Variants in KLRF1 observed in about 807,000 individuals in gnomAD.
The protein encoded by KLRF1 is killer cell lectin like receptor F1.
Under a neutral mutation model 30.7 loss-of-function variants are expected in KLRF1, and 27 were observed. The ratio of observed to expected loss-of-function variants is 0.88; its 90% CI spans 0.65 to 1.21. The LOEUF is 1.21. Ranked by LOEUF, KLRF1 falls within the 50% of genes most tolerant of loss-of-function variation. KLRF1 has a pLI of 0.00. For missense variants in KLRF1, 246 were observed against 259.3 expected (o/e 0.95, Z 0.35); for synonymous variants, 92 against 89.3 (o/e 1.03, Z -0.17).
At chr12:9,821,327 C>T in the KLRF1 span, among the ~76,000 whole-genome samples, 1 of 152,124 alleles carries the variant, frequency 6.6e-6, no homozygotes, top group South Asian at 2.1e-4. Flanking sequence ...AGCCCATCTG[C>T]CACTGCCTCT....
In KLRF1 at chr12:9,844,433, A is replaced by G. The variant is rs1305516129; in HGVS notation, c.603A>G (p.Gly201=). 1.3e-6 allele frequency: 2 copies of G among 1,594,740 alleles called. No homozygotes were observed. The highest frequency in any genetic ancestry group is 8.6e-7 in the Non-Finnish European group (1 of 1,163,102). The change falls in exon 6 of 6, where the codon GGA becomes GGG. Residue 201 remains glycine, a synonymous_variant. Coordinates refer to ENST00000617889, the MANE Select transcript of KLRF1 (RefSeq NM_016523.3). ...TCTTCCCTAGATTCTTCATAAAGGG[A>G]CCAGCTAAAGAAAACAGCTGTGCTG... The part of the protein sequence containing the change: ...PIDSKIFFIK[G]PAKENSCAAI...
At chr12:9,805,765 T>A in the KLRF1 span, among the ~76,000 whole-genome samples, 1 of 152,050 alleles carries the variant, frequency 6.6e-6, no homozygotes, top group African/African-American at 2.4e-5. Context: ...CTCAAAAAAA[T>A]TTTTTTGTTT....
At chr12:9,826,237 A>G (rs770747197), upstream of KLRF1, among the ~76,000 whole-genome samples, 3 of 152,230 alleles carry the variant, frequency 2.0e-5, no homozygotes, top group Admixed American at 2.0e-4. Context: ...CCTAGTACCC[A>G]TTAGTTATTT....
chr12:9,828,557 A>G (rs750560024), intron 1 of KLRF1, among the ~76,000 whole-genome samples: 3 of 152,218 alleles, frequency 2.0e-5, no homozygotes, highest in Non-Finnish European at 4.4e-5. Flanking sequence ...AGAGATAAGC[A>G]GAAATTAAAG....
At chr12:9,800,623 A>G in the KLRF1 span, among the ~76,000 whole-genome samples, 1 of 151,952 alleles carries the variant, frequency 6.6e-6, no homozygotes, top group Non-Finnish European at 1.5e-5. Flanking sequence ...TATGATATTG[A>G]TCATATTTTA....
At chr12:9,820,361 T>G in the KLRF1 span, among the ~76,000 whole-genome samples, 1 of 152,238 alleles carries the variant, frequency 6.6e-6, no homozygotes, top group African/African-American at 2.4e-5. Flanking sequence ...ACTGTTACCT[T>G]GATCCCGTAT....
At chr12:9,840,126 A>G (rs1432237809) in intron 3 of KLRF1, among the ~76,000 whole-genome samples, 2 of 152,150 alleles carry the variant, frequency 1.3e-5, no homozygotes, top group African/African-American at 4.8e-5. Context: ...GTATGATTCC[A>G]TTTATATGAA....
the KLRF1 span, among the ~76,000 whole-genome samples, chr12:9,806,758 T>C: frequency 6.6e-6 from 1 of 152,084 alleles, no homozygotes; most frequent in Non-Finnish European, 1.5e-5. Flanking sequence ...CACGGCTCAT[T>C]GCAACCTTAA....
At chr12:9,806,524 T>C in the KLRF1 span, among the ~76,000 whole-genome samples, 2 of 152,150 alleles carry the variant, frequency 1.3e-5, no homozygotes, top group East Asian at 3.9e-4. Context: ...AAGTTTCTTA[T>C]GTAGATGGCA....
In KLRF1 at chr12:9,833,285, A is replaced by C; in HGVS notation, c.185-18A>C. 6.4e-7 allele frequency: 1 copy of C among 1,562,384 alleles called. No homozygotes were observed. Among genetic ancestry groups the C allele is most frequent in the Non-Finnish European group, 8.7e-7 (1 of 1,154,614 alleles). On this transcript the variant is annotated intron_variant, in intron 2 of 5. Coordinates refer to ENST00000617889, the MANE Select transcript of KLRF1 (RefSeq NM_016523.3). ...AGAGAAGATATTTACCTAACCTTAA[A>C]ATAGTCCTGTATTCAAGTTTCTCAG...
the KLRF1 span, among the ~76,000 whole-genome samples, chr12:9,806,923 C>G: frequency 6.6e-6 from 1 of 152,082 alleles, no homozygotes; most frequent in Non-Finnish European, 1.5e-5. Flanking sequence ...CCTCAAATGA[C>G]CCTTCTGCCC....
chr12:9,838,229 T>A (rs1339135193), intron 3 of KLRF1, among the ~76,000 whole-genome samples: 2 of 152,100 alleles, frequency 1.3e-5, no homozygotes, highest in African/African-American at 2.4e-5. Flanking sequence ...TTTTACCATA[T>A]TAATTGAGGT....
At chr12:9,807,102 C>T in the KLRF1 span, among the ~76,000 whole-genome samples, 4 of 151,944 alleles carry the variant, frequency 2.6e-5, no homozygotes, top group Non-Finnish European at 5.9e-5. Context: ...TTAATGTTTA[C>T]TGTAGGGCTT....
chr12:9,823,092 A>G (rs976611541), upstream of KLRF1, among the ~76,000 whole-genome samples: 9 of 152,164 alleles, frequency 5.9e-5, no homozygotes, highest in Non-Finnish European at 1.2e-4. Context: ...TTGACATTGG[A>G]CCAAATGGAT....
chr12:9,831,162 T>C (rs761654670), intron 1 of KLRF1, among the ~76,000 whole-genome samples: 26 of 151,808 alleles, frequency 1.7e-4, no homozygotes, highest in Non-Finnish European at 3.2e-4. Context: ...AAAATAAATA[T>C]ATGACTTTTT....
chr12:9,819,531 C>G, the KLRF1 span, among the ~76,000 whole-genome samples: 2 of 152,142 alleles, frequency 1.3e-5, no homozygotes, highest in African/African-American at 4.8e-5. Context: ...AGGGAGGCTG[C>G]CAGACTGTTT....
chr12:9,833,103 C>A (rs896911272), intron 2 of KLRF1, among the ~76,000 whole-genome samples, 200 bp from the exon 3 acceptor site: 23 of 152,032 alleles, frequency 1.5e-4, no homozygotes, highest in African/African-American at 5.1e-4. Flanking sequence ...AGATTCTCAC[C>A]AAATATGTGT....
chr12:9,816,577 T>C, the KLRF1 span, among the ~76,000 whole-genome samples: 1 of 152,044 alleles, frequency 6.6e-6, no homozygotes, highest in Middle Eastern at 3.4e-3. Context: ...CAGAAAACAT[T>C]CTATTTTTTG....
the KLRF1 span, among the ~76,000 whole-genome samples, chr12:9,812,289 C>T: frequency 1.0e-3 from 149 of 148,270 alleles, no homozygotes; most frequent in South Asian, 3.7e-3. Context: ...GGTGTGAATC[C>T]GGGAGTCAGA....
Sources: gnomAD v4.1 joint callset for allele counts (sites outside exome capture counted in the v4.1 genomes callset) on GRCh38, gnomAD v4.1.1 for gene constraint, MANE v1.5 for transcripts, NCBI Gene and HGNC (gene_info 2026-07-23, HGNC 2026-07-21) for gene names.